The following HGD variants were observed in gnomAD, a reference collection of about 807,000 sequenced individuals.
The protein encoded by HGD is homogentisate 1,2-dioxygenase, also known as homogentisate oxidase.
HGD carries 61 observed loss-of-function variants against 60.8 expected under a neutral mutation model. That is an observed-to-expected ratio of 1.00 (90% CI 0.82 to 1.24). The LOEUF is 1.24. HGD is among the 50% of genes most tolerant of loss of function. The pLI is 0.00. For missense variants in HGD, 542 were observed against 547.1 expected (o/e 0.99, Z 0.09); for synonymous variants, 212 against 187.7 (o/e 1.13, Z -1.06).
chr3:120,676,864 G>A (rs1052539080), intron 1 of HGD, among the ~76,000 whole-genome samples: 6 of 152,208 alleles, frequency 3.9e-5, no homozygotes, highest in African/African-American at 1.4e-4. Context: ...CTCAGTTGTT[G>A]CGGGAAGTCT....
intron 1 of HGD, 94 bp from the exon 2 acceptor site, chr3:120,675,957 G>A: frequency 2.3e-6 from 2 of 869,860 alleles, no homozygotes; most frequent in South Asian, 2.6e-5. Context: ...TTTCTATATG[G>A]ACCTATGTTT....
chr3:120,672,996 T>C (rs1236503058), intron 3 of HGD, among the ~76,000 whole-genome samples: 2 of 152,144 alleles, frequency 1.3e-5, no homozygotes, highest in Non-Finnish European at 1.5e-5. Flanking sequence ...ATAGACTCTT[T>C]AATAGTTTTG....
At chr3:120,668,177 G>A (rs1178965749) in intron 4 of HGD, among the ~76,000 whole-genome samples, 1 of 152,194 alleles carries the variant, frequency 6.6e-6, no homozygotes, top group Non-Finnish European at 1.5e-5. Context: ...GAGTTTAAGG[G>A]TCAATTATTT....
At chr3:120,664,402 TC>T (rs1241994307) in intron 4 of HGD, among the ~76,000 whole-genome samples, 13 of 151,554 alleles carry the variant, frequency 8.6e-5, no homozygotes, top group African/African-American at 2.7e-4. Flanking sequence ...TTTCTTTCTT[TC>T]TTTCCTTCTT....
intron 11 of HGD, among the ~76,000 whole-genome samples, chr3:120,640,622 G>A (rs139647134): frequency 0.027 from 4,148 of 152,326 alleles, 72 homozygotes; most frequent in Middle Eastern, 0.037. Flanking sequence ...TTATTGCTGT[G>A]AGAATTGACA....
chr3:120,630,288 T>A (rs961427366), intron 13 of HGD, among the ~76,000 whole-genome samples: 2 of 152,084 alleles, frequency 1.3e-5, no homozygotes, highest in Admixed American at 6.5e-5. Flanking sequence ...AAAATTCATA[T>A]GGAACCAAAA....
intron 5 of HGD, among the ~76,000 whole-genome samples, chr3:120,651,662 G>A (rs187364240): frequency 2.6e-5 from 4 of 152,220 alleles, no homozygotes; most frequent in African/African-American, 7.2e-5. Flanking sequence ...GTGTCCCTAC[G>A]TAAGCCATGA....
At chr3:120,680,008 A>G (rs981101335) in intron 1 of HGD, among the ~76,000 whole-genome samples, 2 of 152,220 alleles carry the variant, frequency 1.3e-5, no homozygotes, top group African/African-American at 4.8e-5. Context: ...GAATCACTCC[A>G]GAAGCTTGTT....
intron 12 of HGD, among the ~76,000 whole-genome samples, chr3:120,637,432 T>C (rs1940819966): frequency 6.6e-6 from 1 of 152,068 alleles, no homozygotes; most frequent in African/African-American, 2.4e-5. Context: ...ACAATAATTA[T>C]TAGGTGCTAA....
chr3:120,628,857 G>C (rs1236033503), intron 13 of HGD, among the ~76,000 whole-genome samples: 1 of 152,208 alleles, frequency 6.6e-6, no homozygotes. Context: ...AGACATGGGA[G>C]AATCCTGGGA....
intron 4 of HGD, among the ~76,000 whole-genome samples, chr3:120,658,807 G>A (rs1941575814): frequency 6.6e-6 from 1 of 152,224 alleles, no homozygotes; most frequent in African/African-American, 2.4e-5. Context: ...CTTAACTCTT[G>A]TATCCTGTGC....
intron 12 of HGD, among the ~76,000 whole-genome samples, chr3:120,635,439 T>C (rs1437568224): frequency 7.7e-6 from 1 of 129,122 alleles, no homozygotes; most frequent in African/African-American, 3.0e-5. Flanking sequence ...ATGGCGCCAC[T>C]GCACTCCAGC....
intron 4 of HGD, among the ~76,000 whole-genome samples, chr3:120,653,836 G>A (rs908208944): frequency 6.6e-6 from 1 of 152,178 alleles, no homozygotes; most frequent in Non-Finnish European, 1.5e-5. Context: ...CAGTTTACAC[G>A]AAATAATTCT....
Position 120,680,063 on chromosome 3 carries a change from C to T in HGD, c.15+2034G>A, listed in dbSNP as rs1046014395. On this transcript the variant is annotated intron_variant, in intron 1 of 13. Coordinates refer to ENST00000283871, the MANE Select transcript of HGD (RefSeq NM_000187.4). Reference sequence around the variant, plus strand: ...GTGAATCAAGGATTTGGTGGTGGGGCCCAGAGCCTGAATATTAAGCAAGTT... The same window carrying T: ...GTGAATCAAGGATTTGGTGGTGGGGTCCAGAGCCTGAATATTAAGCAAGTT... Among the ~76,000 whole-genome samples the T allele has an allele frequency of 2.0e-5, 3 of 152,214 alleles. No homozygotes were observed. In the South Asian group the frequency reaches 6.2e-4, roughly 32 times the overall value.
chr3:120,635,429 A>G (rs939574646), intron 12 of HGD, among the ~76,000 whole-genome samples: 32 of 141,316 alleles, frequency 2.3e-4, no homozygotes, highest in African/African-American at 7.9e-4. Context: ...GTGAGCCAAG[A>G]TGGCGCCACT....
intron 4 of HGD, among the ~76,000 whole-genome samples, chr3:120,663,516 G>T (rs150148370): frequency 1.3e-5 from 2 of 152,132 alleles, no homozygotes; most frequent in Non-Finnish European, 2.9e-5. Flanking sequence ...CCCGTAACAC[G>T]TGGGAATTCA....
At chr3:120,659,802 T>C (rs1941603904) in intron 4 of HGD, among the ~76,000 whole-genome samples, 1 of 152,226 alleles carries the variant, frequency 6.6e-6, no homozygotes, top group Admixed American at 6.5e-5. Flanking sequence ...AAAAGAGGTT[T>C]GATTGGCTCA....
chr3:120,630,453 A>G (rs945091817), intron 13 of HGD, among the ~76,000 whole-genome samples: 2 of 152,100 alleles, frequency 1.3e-5, no homozygotes, highest in African/African-American at 2.4e-5. Context: ...CAGAATAGAG[A>G]GCCCAGAAAC....
At chr3:120,650,630 A>T (rs777949909) in intron 6 of HGD, 144 bp downstream of exon 6, 5 of 716,574 alleles carry the variant, frequency 7.0e-6, no homozygotes, top group Non-Finnish European at 1.3e-5. Flanking sequence ...AATATATATG[A>T]ATATTGCCTT....
Sources: gnomAD v4.1 joint callset for allele counts (sites outside exome capture counted in the v4.1 genomes callset) on GRCh38, gnomAD v4.1.1 for gene constraint, MANE v1.5 for transcripts, NCBI Gene and HGNC (gene_info 2026-07-23, HGNC 2026-07-21) for gene names.